ZYG11B: variants seen among roughly 807,000 people sequenced by gnomAD.
ZYG11B encodes protein zyg-11 homolog B.
In ZYG11B, 36 loss-of-function variants were observed where a neutral mutation model predicts 82.4. The observed-to-expected ratio is 0.44, with a 90% CI of 0.33 to 0.58. The LOEUF is 0.58. ZYG11B is among the 20% of genes least tolerant of loss of function. The probability of loss-of-function intolerance (pLI) is 0.02; values close to 1 mark genes in which losing one functional copy is unlikely to be tolerated. For missense variants in ZYG11B, 552 were observed against 895.6 expected, an observed-to-expected ratio of 0.62 and a Z score of 4.90; for synonymous variants, 303 against 312.8, an observed-to-expected ratio of 0.97 and a Z score of 0.33.
At chr1:52,737,976 T>G (rs780100850) in intron 1 of ZYG11B, among the ~76,000 whole-genome samples, 10 of 152,226 alleles carry the variant, frequency 6.6e-5, no homozygotes, top group Non-Finnish European at 7.3e-5. Context: ...TGACCTAGGA[T>G]AAATGTTCTG....
chr1:52,754,774 C>A (rs1192393346), intron 1 of ZYG11B, among the ~76,000 whole-genome samples: 3 of 152,152 alleles, frequency 2.0e-5, no homozygotes, highest in African/African-American at 7.2e-5. Flanking sequence ...AGAAACTTTA[C>A]TGATCTAAAG....
At chr1:52,765,522 C>A (rs1644675221) in intron 2 of ZYG11B, among the ~76,000 whole-genome samples, 1 of 151,678 alleles carries the variant, frequency 6.6e-6, no homozygotes, top group Non-Finnish European at 1.5e-5. Flanking sequence ...TTTGTTTTTT[C>A]CCAGTCAGGG....
chr1:52,734,283 G>C (rs912057741), intron 1 of ZYG11B, among the ~76,000 whole-genome samples: 5 of 151,990 alleles, frequency 3.3e-5, no homozygotes, highest in Non-Finnish European at 7.4e-5. Context: ...CAAGCCATGA[G>C]CCCGGCAGAC....
intron 1 of ZYG11B, among the ~76,000 whole-genome samples, chr1:52,740,076 A>G (rs1304468967): frequency 1.3e-5 from 2 of 152,218 alleles, no homozygotes; most frequent in Admixed American, 1.3e-4. Flanking sequence ...GTGCAAGCCC[A>G]GTGTTCTTTC....
At chr1:52,766,120 ATT>A (rs60885892) in intron 2 of ZYG11B, among the ~76,000 whole-genome samples, 36 of 130,230 alleles carry the variant, frequency 2.8e-4, no homozygotes, top group African/African-American at 7.0e-4. Flanking sequence ...TTTTTTTTAA[ATT>A]TTTTTTTTTT....
chr1:52,777,790 A>C (rs1267912520), intron 3 of ZYG11B, among the ~76,000 whole-genome samples: 1 of 152,156 alleles, frequency 6.6e-6, no homozygotes, highest in Non-Finnish European at 1.5e-5. Flanking sequence ...ATATATTTTT[A>C]AAATATTTGA....
Position 52,813,391 on chromosome 1 carries a change from C to T in ZYG11B, c.1696-145C>T, listed in dbSNP as rs545800302. The T allele has an allele frequency of 3.8e-3, 2,316 of 614,270 alleles. 9 individuals carry two copies. The highest frequency in any genetic ancestry group is 4.4e-3 in the Non-Finnish European group (1,635 of 367,898). 38.1% of individuals were successfully genotyped at this position (614,270 alleles called of 1,614,324 possible). ...TCTTACCTTCATTGCAGTCTGTAAA[C>T]TGCCCTCATTTGAATACTTTCTCTC... On this transcript the variant is annotated intron_variant, in intron 10 of 13. Coordinates refer to ENST00000294353, the MANE Select transcript of ZYG11B (RefSeq NM_024646.3).
intron 10 of ZYG11B, among the ~76,000 whole-genome samples, chr1:52,810,360 C>T (rs1029062167): frequency 6.6e-6 from 1 of 152,126 alleles, no homozygotes; most frequent in Non-Finnish European, 1.5e-5. Flanking sequence ...ATTATCATTA[C>T]TCTGCTGAAT....
At chr1:52,737,229 C>T (rs984276208) in intron 1 of ZYG11B, among the ~76,000 whole-genome samples, 1 of 152,172 alleles carries the variant, frequency 6.6e-6, no homozygotes, top group Non-Finnish European at 1.5e-5. Flanking sequence ...TGCCCTACCT[C>T]CTTTGTGAAG....
chr1:52,745,676 G>A (rs1021908429), intron 1 of ZYG11B, among the ~76,000 whole-genome samples: 1 of 150,578 alleles, frequency 6.6e-6, no homozygotes, highest in African/African-American at 2.4e-5. Context: ...CAATTCTCCT[G>A]CCTCAGCCTC....
chr1:52,788,934 G>A (rs2149950178), intron 5 of ZYG11B, among the ~76,000 whole-genome samples: 1 of 152,262 alleles, frequency 6.6e-6, no homozygotes, highest in Non-Finnish European at 1.5e-5. Context: ...TATTTGGGAG[G>A]AGAAAAATGG....
intron 12 of ZYG11B, among the ~76,000 whole-genome samples, chr1:52,815,890 G>C (rs569604820): frequency 6.6e-6 from 1 of 152,060 alleles, no homozygotes; most frequent in Non-Finnish European, 1.5e-5. Flanking sequence ...AGCTGAGATC[G>C]CGCCACTGCA....
At chr1:52,772,350 C>G in intron 3 of ZYG11B, 2 of 1,511,708 alleles carry the variant, frequency 1.3e-6, no homozygotes, top group Admixed American at 1.7e-5. Flanking sequence ...TCTCAAGATG[C>G]TTTGAACAGC....
At chr1:52,732,713 C>T (rs1477357597) in intron 1 of ZYG11B, among the ~76,000 whole-genome samples, 2 of 151,230 alleles carry the variant, frequency 1.3e-5, no homozygotes, top group South Asian at 2.1e-4. Flanking sequence ...TGCAGTGAGC[C>T]GAGATTGTGC....
chr1:52,810,325 C>A (rs559782221), intron 10 of ZYG11B, among the ~76,000 whole-genome samples: 22 of 152,290 alleles, frequency 1.4e-4, no homozygotes, highest in Non-Finnish European at 2.5e-4. Flanking sequence ...TATTTTCCTG[C>A]CCTCAGCTTC....
Position 52,726,551 on chromosome 1 carries a change from G to T in ZYG11B, c.-103G>T, listed in dbSNP as rs1297245774. ...GGAAAGAGGCCGAGGCCTGGGCCAA[G>T]CCCGGAGCCGCCGCTCGCCGGAGCC... On this transcript the variant is annotated 5_prime_UTR_variant, in exon 1 of 14. Transcript: ENST00000294353. 1.0e-5 allele frequency: 12 copies of T among 1,194,782 alleles called. No homozygotes were observed. Among genetic ancestry groups the T allele is most frequent in the East Asian group, 3.2e-5 (1 of 30,890 alleles). The allele number at this position is 1,194,782 out of a possible 1,614,324, so 74.0% of individuals were successfully genotyped here.
chr1:52,821,320 A>G lies in ZYG11B; in HGVS notation c.2045-119A>G, dbSNP rs1645281314. 8.3e-6 allele frequency: 8 copies of G among 968,884 alleles called. No homozygotes were observed. The South Asian group carries it at 1.3e-4, about 16-fold the overall frequency. The allele number at this position is 968,884 out of a possible 1,614,324, so 60.0% of individuals were successfully genotyped here. A position where few individuals can be genotyped will look rare whatever the true frequency, so the allele number is the denominator to read the frequency against. On this transcript the variant is annotated intron_variant, in intron 13 of 13. Coordinates refer to ENST00000294353, the MANE Select transcript of ZYG11B (RefSeq NM_024646.3). ...ATCAAGCTGTAGCATGTTAGTGATCAATAACAAAACAGCTAAAAAAAAATG... is the reference window on the plus strand; with the variant it reads ...ATCAAGCTGTAGCATGTTAGTGATCGATAACAAAACAGCTAAAAAAAAATG...
In ZYG11B at chr1:52,803,167, T is replaced by C. The variant is rs866107476; in HGVS notation, c.1695+1028T>C. On this transcript the variant is annotated intron_variant, in intron 10 of 13. Transcript: ENST00000294353. ...ATATATATATATACACATATATATA[T>C]ACACACATATATATATATATACACA... Among the ~76,000 whole-genome samples the C allele has an allele frequency of 3.0e-4, 19 of 62,832 alleles. 3 individuals carry two copies. Among genetic ancestry groups the C allele is most frequent in the African/African-American group, 2.6e-3 (15 of 5,676 alleles). 41.2% of individuals were successfully genotyped at this position (62,832 alleles called of 152,430 possible).
chr1:52,821,037 TC>T (rs1464551177), intron 13 of ZYG11B, among the ~76,000 whole-genome samples: 2 of 149,262 alleles, frequency 1.3e-5, no homozygotes, highest in African/African-American at 5.0e-5. Flanking sequence ...CTGCAGTGAG[TC>T]GAGATTGCGC....
Sources: allele counts gnomAD v4.1 joint callset (sites outside exome capture counted in the v4.1 genomes callset), GRCh38; gene constraint gnomAD v4.1.1; transcripts MANE v1.5; gene names NCBI Gene and HGNC (gene_info 2026-07-23, HGNC 2026-07-21).